CDH4: variants seen among roughly 807,000 people sequenced by gnomAD.
CDH4 encodes the protein cadherin-4.
In CDH4, 33 loss-of-function variants were observed where a neutral mutation model predicts 86.0. The observed-to-expected ratio is 0.38, with a 90% CI of 0.29 to 0.51. The LOEUF (loss-of-function observed/expected upper bound fraction) is 0.51, where lower values mean the gene tolerates loss of function less well. Ranked by LOEUF, CDH4 falls within the 20% of genes least tolerant of loss-of-function variation. The pLI is 0.86. For missense variants in CDH4, 1,114 were observed against 1,307.4 expected, an observed-to-expected ratio of 0.85 and a Z score of 2.28; for synonymous variants, 555 against 549.4, an observed-to-expected ratio of 1.01 and a Z score of -0.14.
At chr20:61,637,836 C>T (rs1223080944) in intron 2 of CDH4, among the ~76,000 whole-genome samples, 1 of 152,054 alleles carries the variant, frequency 6.6e-6, no homozygotes, top group African/African-American at 2.4e-5. Flanking sequence ...GCTTGGCCAA[C>T]ATGGTGAAAC....
chr20:61,696,911 G>A (rs2087720393), intron 2 of CDH4, among the ~76,000 whole-genome samples: 1 of 152,198 alleles, frequency 6.6e-6, no homozygotes, highest in Non-Finnish European at 1.5e-5. Flanking sequence ...GAGACGCACA[G>A]AATGCAGTTG....
In CDH4 at chr20:61,472,475, G is replaced by A. The variant is rs142850638; in HGVS notation, c.169+217538G>A. On this transcript the variant is annotated intron_variant, in intron 2 of 15. Transcript: ENST00000614565. ...TTTAGTTGCTTTCTGTCTTCATTTT[G>A]GTGAAGGTGATTTCCTCTGATGATA... Among the ~76,000 whole-genome samples the A allele has an allele frequency of 6.6e-5, 10 of 152,098 alleles. No homozygotes were observed. In the East Asian group the frequency reaches 1.9e-3, roughly 29 times the overall value.
intron 2 of CDH4, among the ~76,000 whole-genome samples, chr20:61,595,305 CTG>C (rs2086548735): frequency 6.6e-6 from 1 of 152,258 alleles, no homozygotes; most frequent in African/African-American, 2.4e-5. Context: ...CAGATGGGGC[CTG>C]CCCTACCTGA....
At chr20:61,313,430 TTTTA>T (rs2084458747) in intron 2 of CDH4, among the ~76,000 whole-genome samples, 1 of 152,192 alleles carries the variant, frequency 6.6e-6, no homozygotes, top group African/African-American at 2.4e-5. Context: ...CGCTCTCATT[TTTTA>T]GTTCACCATT....
chr20:61,438,275 A>C (rs929339406), intron 2 of CDH4, among the ~76,000 whole-genome samples: 2 of 152,134 alleles, frequency 1.3e-5, no homozygotes, highest in East Asian at 3.8e-4. Flanking sequence ...AAATAAATAA[A>C]CTCACCAGGA....
chr20:61,582,754 C>T lies in CDH4; in HGVS notation c.170-160809C>T, dbSNP rs2086438971. 6.6e-6 allele frequency among the ~76,000 whole-genome samples: 1 copy of T among 152,160 alleles called. No homozygotes were observed. The highest frequency in any genetic ancestry group is 1.5e-5 in the Non-Finnish European group (1 of 68,032). ...GTCCTGTTGGTGCCCAGCACGCCTGCCCTTCGTTTCTTTAACAGTTTTATT... is the reference window on the plus strand; with the variant it reads ...GTCCTGTTGGTGCCCAGCACGCCTGTCCTTCGTTTCTTTAACAGTTTTATT... On this transcript the variant is annotated intron_variant, in intron 2 of 15. Transcript: ENST00000614565. This position sits in a 1 kb window ranked among gnomAD's most constrained non-coding sequence, Gnocchi z 4.2.
In CDH4 at chr20:61,853,036, C is replaced by G; in HGVS notation, c.877+138C>G. 5 of 865,020 alleles carry G rather than the reference C, an allele frequency of 5.8e-6. 1 individual carries two copies. The highest frequency in any genetic ancestry group is 7.1e-6 in the Non-Finnish European group (4 of 565,746). 53.6% of individuals were successfully genotyped at this position (865,020 alleles called of 1,614,324 possible). A position where few individuals can be genotyped will look rare whatever the true frequency, so the allele number is the denominator to read the frequency against. On this transcript the variant is annotated intron_variant, in intron 6 of 15. Transcript: ENST00000614565. ...GACTTGGGCGCAGACACACAGCATG[C>G]AGCAGACGTCCACCAAAGCCCCTGC...
chr20:61,675,397 A>C (rs111850694), intron 2 of CDH4, among the ~76,000 whole-genome samples: 1 of 36,116 alleles, frequency 2.8e-5, no homozygotes, highest in Non-Finnish European at 5.0e-5. Context: ...ACTCCCGTGG[A>C]AACAACCATC....
intron 2 of CDH4, among the ~76,000 whole-genome samples, chr20:61,643,951 A>T (rs149444191): frequency 6.6e-6 from 1 of 152,372 alleles, no homozygotes; most frequent in East Asian, 1.9e-4. Context: ...GAATTTTGCT[A>T]GAAGGGAGTG....
chr20:61,375,577 G>A lies in CDH4; in HGVS notation c.169+120640G>A, dbSNP rs567923338. 5.8e-4 allele frequency among the ~76,000 whole-genome samples: 49 copies of A among 84,426 alleles called. 1 individual carries two copies. In the South Asian group the frequency reaches 0.013, roughly 22 times the overall value. The allele number at this position is 84,426 out of a possible 152,430, so 55.4% of individuals were successfully genotyped here. ...GGTGGTGATGATGGTGGCGCTGGTG[G>A]TGGTCATAGCACTGGTGGTGGTCAT... On this transcript the variant is annotated intron_variant, in intron 2 of 15. Coordinates refer to ENST00000614565, the MANE Select transcript of CDH4 (RefSeq NM_001794.5).
At chr20:61,812,056 TTTC>T (rs1203972991) in intron 4 of CDH4, among the ~76,000 whole-genome samples, 3 of 152,080 alleles carry the variant, frequency 2.0e-5, no homozygotes, top group Admixed American at 6.5e-5. Flanking sequence ...GTCTTTCCTG[TTTC>T]TCCCCCGCTG....
At chr20:61,652,613 C>T (rs1427574751) in intron 2 of CDH4, among the ~76,000 whole-genome samples, 3 of 152,106 alleles carry the variant, frequency 2.0e-5, no homozygotes, top group Non-Finnish European at 4.4e-5. Context: ...GATGCATGGA[C>T]ATTGATAATG....
At position 61,252,912 on chromosome 20, in the gene CDH4, A is replaced by G. The variant is rs911791791; in HGVS notation, c.57+342A>G. Among the ~76,000 whole-genome samples, 3 of 151,650 alleles carry G rather than the reference A, an allele frequency of 2.0e-5. No individual in the cohort carries two copies. The highest frequency in any genetic ancestry group is 2.9e-5 in the Non-Finnish European group (2 of 67,878). On this transcript the variant is annotated intron_variant, in intron 1 of 15. Coordinates refer to ENST00000614565, the MANE Select transcript of CDH4 (RefSeq NM_001794.5). This position sits in a 1 kb window ranked among gnomAD's most constrained non-coding sequence, Gnocchi z 4.4. ...GCTTGCCTGCATGGGGCAGGCTTCC[A>G]CTGGCGGAGCCGGCGCGCCCTCCAT... is the stretch of plus-strand genomic sequence containing the variant.
chr20:61,778,056 A>T (rs543637325), intron 4 of CDH4, among the ~76,000 whole-genome samples: 1 of 152,312 alleles, frequency 6.6e-6, no homozygotes, highest in South Asian at 2.1e-4. Context: ...ACACACTCCT[A>T]CACGTTCATG....
chr20:61,668,429 A>G (rs1656106165), intron 2 of CDH4, among the ~76,000 whole-genome samples: 1 of 152,240 alleles, frequency 6.6e-6, no homozygotes, highest in Non-Finnish European at 1.5e-5. Flanking sequence ...CGGTGAATCC[A>G]GATTTTAGAA....
chr20:61,498,666 G>A (rs1017647711), intron 2 of CDH4, among the ~76,000 whole-genome samples: 6 of 152,096 alleles, frequency 3.9e-5, no homozygotes, highest in African/African-American at 1.2e-4. Context: ...TGTCCAGGGT[G>A]GTCTAATCTT....
chr20:61,394,802 A>G (rs1306039370), intron 2 of CDH4, among the ~76,000 whole-genome samples: 2 of 148,892 alleles, frequency 1.3e-5, no homozygotes, highest in East Asian at 4.0e-4. Flanking sequence ...TACTTTCAAA[A>G]AAACATAAAA....
rs542168848 is a variant in CDH4 at position 61,432,419 on chromosome 20, G to A, written c.169+177482G>A. ...TTAGGCATATTTTCACGTTCTCCTT[G>A]ATCATCTCATGCATCTTCTTTTGTG... On this transcript the variant is annotated intron_variant, in intron 2 of 15. Coordinates refer to ENST00000614565, the MANE Select transcript of CDH4 (RefSeq NM_001794.5). Among the ~76,000 whole-genome samples, 3 of 152,220 alleles carry A rather than the reference G, an allele frequency of 2.0e-5. No individual in the cohort carries two copies. The South Asian group carries it at 6.2e-4, about 32-fold the overall frequency.
chr20:61,338,632 T>C (rs1050302760), intron 2 of CDH4, among the ~76,000 whole-genome samples: 10 of 152,204 alleles, frequency 6.6e-5, no homozygotes, highest in Non-Finnish European at 1.2e-4. Context: ...CCAGACTAAG[T>C]TGCTCCCTGA....
Sources: allele counts gnomAD v4.1 joint callset (sites outside exome capture counted in the v4.1 genomes callset), GRCh38; gene constraint gnomAD v4.1.1; non-coding constraint Gnocchi (gnomAD v3.1); transcripts MANE v1.5; gene names NCBI Gene and HGNC (gene_info 2026-07-23, HGNC 2026-07-21).